SYT1: variants seen among roughly 807,000 people sequenced by gnomAD.
SYT1 encodes the protein synaptotagmin 1.
In SYT1, 8 loss-of-function variants were observed where a neutral mutation model predicts 44.8. The ratio of observed to expected loss-of-function variants is 0.18; its 90% confidence interval spans 0.10 to 0.32. SYT1 has a LOEUF of 0.32. SYT1 is among the 10% of genes least tolerant of loss of function. The pLI, the probability that SYT1 is intolerant of heterozygous loss-of-function variation, is 1.00. For synonymous variants in SYT1, 154 were observed against 188.8 expected, an observed-to-expected ratio of 0.82 and a Z score of 1.51; for missense variants, 286 against 509.3, an observed-to-expected ratio of 0.56 and a Z score of 4.22.
At chr12:79,089,133 A>G (rs1877600290) in intron 3 of SYT1, among the ~76,000 whole-genome samples, 1 of 152,114 alleles carries the variant, frequency 6.6e-6, no homozygotes. Context: ...TTCAAGATCC[A>G]AGGTGAGAAA....
Position 79,117,704 on chromosome 12 carries a change from TATATATATATAA to T in SYT1, c.-18+70344_-18+70355del, listed in dbSNP as rs1437753476. ...ATATATATATATATATATATATATA[TATATATATATAA>T]AATAAATAGGTTGCATACAGAAGAT... On this transcript the variant is annotated intron_variant, in intron 3 of 10. Coordinates refer to ENST00000261205, the MANE Select transcript of SYT1 (RefSeq NM_005639.3). Among the ~76,000 whole-genome samples the T allele has an allele frequency of 2.9e-3, 291 of 101,722 alleles. 5 individuals carry two copies. The highest frequency in any genetic ancestry group is 0.011 in the African/African-American group (277 of 25,880). The allele number at this position is 101,722 out of a possible 152,430, so 66.7% of individuals were successfully genotyped here.
At chr12:79,266,691 G>A (rs1442455932) in intron 4 of SYT1, among the ~76,000 whole-genome samples, 3 of 152,138 alleles carry the variant, frequency 2.0e-5, no homozygotes, top group Admixed American at 6.5e-5. Context: ...TAAAAGCCAG[G>A]AAACAAAAAG....
intron 4 of SYT1, among the ~76,000 whole-genome samples, chr12:79,243,638 G>C (rs1451234934): frequency 6.6e-6 from 1 of 152,102 alleles, no homozygotes; most frequent in Non-Finnish European, 1.5e-5. Context: ...CAGAGTGGCA[G>C]AGTTGTCACT....
chr12:79,259,743 C>CA (rs1202607233), intron 4 of SYT1, among the ~76,000 whole-genome samples: 3 of 151,910 alleles, frequency 2.0e-5, no homozygotes, highest in Non-Finnish European at 4.4e-5. Flanking sequence ...CAAACAGAAA[C>CA]AAAAAAACTC....
In SYT1 at chr12:79,134,583, A is replaced by G. The variant is rs187346131; in HGVS notation, c.-17-82920A>G. ...ATACTAGAATGCTCCTTTAGTATGC[A>G]TTCAAGTTTTTTAATAGTATGTTAC... On this transcript the variant is annotated intron_variant, in intron 3 of 10. Coordinates refer to ENST00000261205, the MANE Select transcript of SYT1 (RefSeq NM_005639.3). 9.1e-4 allele frequency among the ~76,000 whole-genome samples: 139 copies of G among 152,322 alleles called. No homozygotes were observed. The South Asian group carries it at 0.01, about 11-fold the overall frequency.
intron 3 of SYT1, among the ~76,000 whole-genome samples, chr12:79,162,535 C>T (rs1376001114): frequency 6.6e-6 from 1 of 152,058 alleles, no homozygotes; most frequent in Non-Finnish European, 1.5e-5. Context: ...AATCATGCAG[C>T]TTCTCTCTGG....
intron 3 of SYT1, among the ~76,000 whole-genome samples, chr12:79,091,519 C>T (rs1193538010): frequency 1.3e-5 from 2 of 151,950 alleles, no homozygotes; most frequent in Admixed American, 6.6e-5. Context: ...TAGACAGTGA[C>T]AATCTGACAG....
At chr12:79,118,944 T>A (rs920219848) in intron 3 of SYT1, among the ~76,000 whole-genome samples, 3 of 152,210 alleles carry the variant, frequency 2.0e-5, no homozygotes, top group Non-Finnish European at 2.9e-5. Flanking sequence ...ACTAAACATC[T>A]CTTCCTTGTC....
At chr12:79,059,142 A>T (rs1875184207) in intron 3 of SYT1, among the ~76,000 whole-genome samples, 1 of 151,998 alleles carries the variant, frequency 6.6e-6, no homozygotes, top group Non-Finnish European at 1.5e-5. Flanking sequence ...ACTCCTTTTT[A>T]TAAAACCATC....
chr12:79,380,528 G>A (rs958718497), intron 9 of SYT1, among the ~76,000 whole-genome samples: 2 of 152,044 alleles, frequency 1.3e-5, no homozygotes, highest in East Asian at 1.9e-4. Context: ...CCAAGTAGTC[G>A]GGACTACAGA....
chr12:79,270,385 T>G (rs563925723), intron 4 of SYT1, among the ~76,000 whole-genome samples: 1 of 152,142 alleles, frequency 6.6e-6, no homozygotes, highest in Non-Finnish European at 1.5e-5. Flanking sequence ...TAGAGATATG[T>G]TGAAGGTAGA....
chr12:79,349,508 GC>G (rs1259628911), intron 8 of SYT1, among the ~76,000 whole-genome samples: 1 of 152,100 alleles, frequency 6.6e-6, no homozygotes, highest in Non-Finnish European at 1.5e-5. Flanking sequence ...AAAAGAGTTT[GC>G]CCCAGTTCCT....
rs541063481 is a variant in SYT1, at chr12:79,344,224, C to G, written c.811-9278C>G. On this transcript the variant is annotated intron_variant, in intron 8 of 10. Coordinates refer to ENST00000261205, the MANE Select transcript of SYT1 (RefSeq NM_005639.3). Reference sequence around the variant, plus strand: ...TCAAATTGCTATCCTTATTCCCCACCTACTTTACATGTTTCCACAGCACAT... The same window carrying G: ...TCAAATTGCTATCCTTATTCCCCACGTACTTTACATGTTTCCACAGCACAT... 5.3e-5 allele frequency among the ~76,000 whole-genome samples: 8 copies of G among 152,298 alleles called. No homozygotes were observed. The South Asian group carries it at 1.5e-3, about 28-fold the overall frequency.
At chr12:79,001,397 T>C (rs961841993) in intron 2 of SYT1, among the ~76,000 whole-genome samples, 1 of 152,186 alleles carries the variant, frequency 6.6e-6, no homozygotes, top group African/African-American at 2.4e-5. Flanking sequence ...CAAATATCAA[T>C]ACTTAGTAGT....
At chr12:79,271,299 G>A (rs1878411594) in intron 4 of SYT1, among the ~76,000 whole-genome samples, 1 of 151,976 alleles carries the variant, frequency 6.6e-6, no homozygotes, top group Admixed American at 6.6e-5. Flanking sequence ...AAACTCCCTG[G>A]AAGAAGAAAT....
intron 3 of SYT1, among the ~76,000 whole-genome samples, chr12:79,163,472 A>G (rs1403810531): frequency 6.6e-6 from 1 of 152,108 alleles, no homozygotes; most frequent in Non-Finnish European, 1.5e-5. Flanking sequence ...GCCAAGCACT[A>G]TGCTGTGCAC....
chr12:79,039,531 T>A (rs1265794040), intron 2 of SYT1, among the ~76,000 whole-genome samples: 2 of 152,008 alleles, frequency 1.3e-5, no homozygotes, highest in African/African-American at 2.4e-5. Context: ...GCTGTGCCCA[T>A]CCATATTCAG....
intron 4 of SYT1, among the ~76,000 whole-genome samples, chr12:79,252,542 C>T (rs953748300): frequency 1.3e-5 from 2 of 152,110 alleles, no homozygotes; most frequent in Non-Finnish European, 2.9e-5. Flanking sequence ...TGATATGCTT[C>T]ACTTCTGGGA....
At chr12:78,911,767 A>G (rs1394288508) in intron 1 of SYT1, among the ~76,000 whole-genome samples, 1 of 151,950 alleles carries the variant, frequency 6.6e-6, no homozygotes, top group Non-Finnish European at 1.5e-5. Context: ...TGTTGGTGAC[A>G]CCTTGGGAAA....
Sources: gnomAD v4.1 joint callset for allele counts (sites outside exome capture counted in the v4.1 genomes callset) on GRCh38, gnomAD v4.1.1 for gene constraint, MANE v1.5 for transcripts, NCBI Gene and HGNC (gene_info 2026-07-23, HGNC 2026-07-21) for gene names.